Variants in GRIA2 observed in about 807,000 individuals in gnomAD.
GRIA2 encodes the protein glutamate ionotropic receptor AMPA type subunit 2, also known as glutamate receptor 2.
Under a neutral mutation model 97.3 loss-of-function variants are expected in GRIA2, and 14 were observed. The observed-to-expected ratio is 0.14, with a 90% CI of 0.10 to 0.23. The LOEUF is 0.23. Ranked by LOEUF, GRIA2 falls within the 10% of genes least tolerant of loss-of-function variation. GRIA2 has a pLI of 1.00. For synonymous variants in GRIA2, 412 were observed against 387.8 expected, an observed-to-expected ratio of 1.06 and a Z score of -0.73; for missense variants, 558 against 1,069.8, an observed-to-expected ratio of 0.52 and a Z score of 6.67.
intron 2 of GRIA2, among the ~76,000 whole-genome samples, chr4:157,225,010 T>C (rs1729679325): frequency 6.6e-6 from 1 of 152,138 alleles, no homozygotes; most frequent in Non-Finnish European, 1.5e-5. Context: ...ACCTTAGTAA[T>C]ACAACTTCAA....
intron 2 of GRIA2, among the ~76,000 whole-genome samples, chr4:157,292,731 A>G (rs894195467): frequency 3.3e-5 from 5 of 152,112 alleles, no homozygotes; most frequent in Non-Finnish European, 7.4e-5. Context: ...ACTAATGATG[A>G]TGGGAATCCA....
At chr4:157,348,468 G>A (rs1410548468) in intron 12 of GRIA2, among the ~76,000 whole-genome samples, 1 of 151,982 alleles carries the variant, frequency 6.6e-6, no homozygotes, top group East Asian at 1.9e-4. Flanking sequence ...CGAGCTCCTG[G>A]GCTCAAGTGA....
intron 2 of GRIA2, among the ~76,000 whole-genome samples, chr4:157,261,567 G>A (rs751762051): frequency 6.6e-6 from 1 of 152,128 alleles, no homozygotes; most frequent in Non-Finnish European, 1.5e-5. Flanking sequence ...AGAAATTGCA[G>A]AGAAATAATC....
intron 2 of GRIA2, among the ~76,000 whole-genome samples, chr4:157,253,154 TC>T (rs1348956765): frequency 6.6e-6 from 1 of 151,742 alleles, no homozygotes; most frequent in African/African-American, 2.4e-5. Context: ...TCTTGCTGTG[TC>T]GCCCAGGCTG....
chr4:157,307,187 T>C (rs1477749895), intron 3 of GRIA2, among the ~76,000 whole-genome samples: 1 of 152,198 alleles, frequency 6.6e-6, no homozygotes, highest in East Asian at 1.9e-4. Flanking sequence ...TCTGCCCTAA[T>C]CATGAACTAG....
chr4:157,352,718 TAA>T (rs571562254), intron 12 of GRIA2, among the ~76,000 whole-genome samples: 1 of 92,652 alleles, frequency 1.1e-5, no homozygotes, highest in Non-Finnish European at 2.1e-5. Context: ...AGACTCCATC[TAA>T]AAAAAAAAAA....
At chr4:157,279,798 T>A (rs1420454254) in intron 2 of GRIA2, among the ~76,000 whole-genome samples, 1 of 152,144 alleles carries the variant, frequency 6.6e-6, no homozygotes, top group African/African-American at 2.4e-5. Flanking sequence ...TTTTATTTTG[T>A]TTCTTGTTGG....
At chr4:157,245,129 C>A (rs1730671861) in intron 2 of GRIA2, among the ~76,000 whole-genome samples, 1 of 151,936 alleles carries the variant, frequency 6.6e-6, no homozygotes, top group South Asian at 2.1e-4. Flanking sequence ...TATTTTCAAA[C>A]ATAGGATGGT....
At chr4:157,264,859 A>G (rs1561017660) in intron 2 of GRIA2, among the ~76,000 whole-genome samples, 3 of 152,114 alleles carry the variant, frequency 2.0e-5, no homozygotes, top group East Asian at 1.9e-4. Context: ...GCCTTTAGCC[A>G]TTTGTTCATA....
chr4:157,248,612 C>CATGTATATATACGTATATATAT (rs1730865214), intron 2 of GRIA2, among the ~76,000 whole-genome samples: 1 of 25,752 alleles, frequency 3.9e-5, no homozygotes, highest in Non-Finnish European at 8.3e-5. Flanking sequence ...TGTATATATA[C>CATGTATATATACGTATATATAT]ATGTATATAT....
At chr4:157,311,008 AG>A (rs2126882606) in intron 3 of GRIA2, among the ~76,000 whole-genome samples, 1 of 152,168 alleles carries the variant, frequency 6.6e-6, no homozygotes, top group African/African-American at 2.4e-5. Context: ...CTTTTTGGGT[AG>A]TTACCAGTAG....
At chr4:157,273,081 C>A (rs1732107720) in intron 2 of GRIA2, among the ~76,000 whole-genome samples, 1 of 151,798 alleles carries the variant, frequency 6.6e-6, no homozygotes, top group Non-Finnish European at 1.5e-5. Flanking sequence ...AAAAATGATA[C>A]AAATAAAAAT....
chr4:157,320,584 A>G (rs1734516408), intron 5 of GRIA2, among the ~76,000 whole-genome samples: 1 of 152,112 alleles, frequency 6.6e-6, no homozygotes, highest in Admixed American at 6.5e-5. Flanking sequence ...CTTCAGCTAA[A>G]TAATATAATA....
chr4:157,336,761 C>T lies in GRIA2; in HGVS notation c.1844+14C>T. On this transcript the variant is annotated intron_variant, in intron 11 of 15. Transcript: ENST00000264426. ...TATTTCGCCAAGGTTGGTTACTCAC[C>T]TGCTTCAACTTTGTGCATTTCAGGT... is the stretch of plus-strand genomic sequence containing the variant. The T allele has an allele frequency of 6.2e-7, 1 of 1,600,798 alleles. No individual in the cohort carries two copies. Among genetic ancestry groups the T allele is most frequent in the Non-Finnish European group, 8.5e-7 (1 of 1,173,030 alleles).
chr4:157,322,192 C>T (rs772781359), intron 6 of GRIA2, among the ~76,000 whole-genome samples: 1 of 145,734 alleles, frequency 6.9e-6, no homozygotes, highest in Non-Finnish European at 1.5e-5. Context: ...AAACGTATGG[C>T]CACAAAGAGA....
At chr4:157,244,393 A>AC (rs767630380) in intron 2 of GRIA2, among the ~76,000 whole-genome samples, 13 of 152,080 alleles carry the variant, frequency 8.5e-5, no homozygotes, top group Non-Finnish European at 1.8e-4. Context: ...AAAGATCTTA[A>AC]CCCCCTACCT....
At chr4:157,247,324 T>C (rs979973613) in intron 2 of GRIA2, among the ~76,000 whole-genome samples, 1 of 152,148 alleles carries the variant, frequency 6.6e-6, no homozygotes, top group South Asian at 2.1e-4. Flanking sequence ...GTTTGGTACA[T>C]GAATCCAGAA....
At chr4:157,296,494 T>C (rs1733355158) in intron 2 of GRIA2, among the ~76,000 whole-genome samples, 1 of 152,198 alleles carries the variant, frequency 6.6e-6, no homozygotes. Flanking sequence ...GGTTTATTTA[T>C]TGTCAATAAC....
At chr4:157,346,126 T>C (rs1488282352) in intron 12 of GRIA2, among the ~76,000 whole-genome samples, 1 of 152,150 alleles carries the variant, frequency 6.6e-6, no homozygotes, top group East Asian at 1.9e-4. Context: ...AGTATTTTTT[T>C]AAAGATGTTA....
Sources: allele counts gnomAD v4.1 joint callset (sites outside exome capture counted in the v4.1 genomes callset), GRCh38; gene constraint gnomAD v4.1.1; transcripts MANE v1.5; gene names NCBI Gene and HGNC (gene_info 2026-07-23, HGNC 2026-07-21).